The following ATL1 variants were observed in gnomAD, a reference collection of about 807,000 sequenced individuals.
ATL1 encodes atlastin GTPase 1, also known as atlastin-1.
ATL1 carries 31 observed loss-of-function variants against 75.5 expected under a neutral mutation model. The observed-to-expected ratio is 0.41, with a 90% CI of 0.31 to 0.55. The LOEUF (loss-of-function observed/expected upper bound fraction) is 0.55. ATL1 is among the 20% of genes least tolerant of loss of function. ATL1 has a pLI of 0.27. For missense variants in ATL1, 405 were observed against 662.6 expected (o/e 0.61, Z 4.27); for synonymous variants, 226 against 233.3 (o/e 0.97, Z 0.28).
chr14:50,612,432 C>T (rs1458634610), intron 6 of ATL1, among the ~76,000 whole-genome samples: 2 of 152,110 alleles, frequency 1.3e-5, no homozygotes, highest in Non-Finnish European at 2.9e-5. Flanking sequence ...AAAAGTTAAA[C>T]ACATGACTCC....
chr14:50,623,115 G>T (rs1290793237), intron 10 of ATL1, 62 bp from the exon 11 acceptor site: 2 of 1,382,534 alleles, frequency 1.4e-6, no homozygotes, highest in Non-Finnish European at 2.0e-6. Flanking sequence ...AATGTGAACT[G>T]CCTGTGGAAG....
chr14:50,619,612 G>C (rs1376977844), intron 8 of ATL1, among the ~76,000 whole-genome samples: 1 of 152,186 alleles, frequency 6.6e-6, no homozygotes, highest in African/African-American at 2.4e-5. Context: ...GTAATGTTAA[G>C]CTTTAACCTA....
At position 50,625,640 on chromosome 14, in the gene ATL1, G is replaced by A. The variant is rs74732715; in HGVS notation, c.1120-2391G>A. Among the ~76,000 whole-genome samples, 722 of 152,174 alleles carry A rather than the reference G, an allele frequency of 4.7e-3. 22 individuals carry two copies. The East Asian group carries it at 0.092, about 19-fold the overall frequency. On this transcript the variant is annotated intron_variant, in intron 11 of 13. Coordinates refer to ENST00000358385, the MANE Select transcript of ATL1 (RefSeq NM_015915.5). ...AGGCACTTAAGAATCATGCTAGGCC[G>A]GGCACGATGGCTCACACCTGCACTT... is the stretch of plus-strand genomic sequence containing the variant.
intron 1 of ATL1, among the ~76,000 whole-genome samples, chr14:50,536,699 C>G: frequency 6.6e-6 from 1 of 152,184 alleles, no homozygotes; most frequent in Non-Finnish European, 1.5e-5. Context: ...CTTGTTGGAA[C>G]TGGAGCAAAG....
At chr14:50,573,355 G>A (rs1014779142) in intron 1 of ATL1, among the ~76,000 whole-genome samples, 5 of 152,146 alleles carry the variant, frequency 3.3e-5, no homozygotes, top group African/African-American at 2.4e-5. Context: ...TGTCTGCACT[G>A]TCCAATATGG....
At chr14:50,601,443 T>C (rs2039270868) in intron 6 of ATL1, among the ~76,000 whole-genome samples, 1 of 152,184 alleles carries the variant, frequency 6.6e-6, no homozygotes, top group Non-Finnish European at 1.5e-5. Context: ...TGTTTAAAAC[T>C]GGTTGGGGAG....
At chr14:50,590,045 T>C (rs773948025) in intron 2 of ATL1, among the ~76,000 whole-genome samples, 2 of 152,228 alleles carry the variant, frequency 1.3e-5, no homozygotes, top group Non-Finnish European at 2.9e-5. Context: ...TCCAACTTGA[T>C]CTTCAGCCTT....
intron 6 of ATL1, among the ~76,000 whole-genome samples, 180 bp from the exon 7 acceptor site, chr14:50,613,079 G>T (rs2039381224): frequency 6.6e-6 from 1 of 152,020 alleles, no homozygotes; most frequent in African/African-American, 2.4e-5. Context: ...GAAATATGTA[G>T]GATGATCTCA....
chr14:50,605,915 A>C (rs2039313748), intron 6 of ATL1, among the ~76,000 whole-genome samples: 1 of 152,090 alleles, frequency 6.6e-6, no homozygotes, highest in African/African-American at 2.4e-5. Flanking sequence ...TTTAAATTCA[A>C]CTTCTGTAGA....
At chr14:50,572,836 T>C (rs1032749224) in intron 1 of ATL1, among the ~76,000 whole-genome samples, 2 of 152,228 alleles carry the variant, frequency 1.3e-5, no homozygotes, top group African/African-American at 2.4e-5. Flanking sequence ...TCTATTCTCA[T>C]GCTGTTATAA....
chr14:50,605,624 T>A (rs2140219519), intron 6 of ATL1, among the ~76,000 whole-genome samples: 1 of 152,122 alleles, frequency 6.6e-6, no homozygotes, highest in Middle Eastern at 3.4e-3. Context: ...CAAAATAGCC[T>A]TCTGTAATTT....
At chr14:50,617,575 T>C (rs1424493610) in intron 8 of ATL1, among the ~76,000 whole-genome samples, 1 of 152,210 alleles carries the variant, frequency 6.6e-6, no homozygotes, top group Non-Finnish European at 1.5e-5. Context: ...AGCAATACTA[T>C]ACTAGTGCAT....
At chr14:50,577,974 T>C (rs991727054) in intron 1 of ATL1, among the ~76,000 whole-genome samples, 22 of 152,180 alleles carry the variant, frequency 1.4e-4, no homozygotes, top group African/African-American at 5.1e-4. Flanking sequence ...TAATTATATG[T>C]ATGGGCTGAT....
chr14:50,558,671 G>A (rs1459187906), upstream of ATL1, among the ~76,000 whole-genome samples: 1 of 152,088 alleles, frequency 6.6e-6, no homozygotes, highest in East Asian at 1.9e-4. Flanking sequence ...GTAATCTATT[G>A]TACTCTTAAA....
chr14:50,611,817 T>C (rs1566730336), intron 6 of ATL1, among the ~76,000 whole-genome samples: 1 of 152,154 alleles, frequency 6.6e-6, no homozygotes, highest in Non-Finnish European at 1.5e-5. Context: ...CCTCTAAGAC[T>C]GCTGGTAAGG....
chr14:50,554,398 A>G (rs1023665722), intron 1 of ATL1, among the ~76,000 whole-genome samples: 1 of 152,158 alleles, frequency 6.6e-6, no homozygotes, highest in Non-Finnish European at 1.5e-5. Context: ...AGCCATGGCT[A>G]TACTTTATAG....
intron 8 of ATL1, 73 bp downstream of exon 8, chr14:50,614,584 T>A: frequency 1.3e-6 from 2 of 1,504,818 alleles, no homozygotes; most frequent in Non-Finnish European, 1.8e-6. Context: ...CTATTGGGCT[T>A]ATGGCTGATA....
chr14:50,550,763 A>C (rs1197930450), intron 1 of ATL1, among the ~76,000 whole-genome samples: 1 of 152,262 alleles, frequency 6.6e-6, no homozygotes. Flanking sequence ...AAACTATACA[A>C]ATACATAGAA....
At chr14:50,575,310 C>A (rs191752278) in intron 1 of ATL1, among the ~76,000 whole-genome samples, 43 of 152,172 alleles carry the variant, frequency 2.8e-4, no homozygotes, top group African/African-American at 1.0e-3. Flanking sequence ...CCAAGGCCTT[C>A]ATGTTGCAGG....
Sources: gnomAD v4.1 joint callset for allele counts (sites outside exome capture counted in the v4.1 genomes callset) on GRCh38, gnomAD v4.1.1 for gene constraint, MANE v1.5 for transcripts, NCBI Gene and HGNC (gene_info 2026-07-23, HGNC 2026-07-21) for gene names.